The following IFT140 variants were observed in gnomAD, a reference collection of about 807,000 sequenced individuals.
The protein encoded by IFT140 is intraflagellar transport protein 140 homolog.
A neutral mutation model predicts 164.6 loss-of-function variants in IFT140; 133 were observed. That is an observed-to-expected ratio of 0.81 (90% CI 0.70 to 0.93). IFT140 has a LOEUF of 0.93. Among genes scored for constraint, IFT140 ranks in the 40% least tolerant of loss-of-function variants. The probability of loss-of-function intolerance (pLI) is 0.00; values close to 1 mark genes in which losing one functional copy is unlikely to be tolerated. For synonymous variants in IFT140, 860 were observed against 817.3 expected (o/e 1.05, Z -0.89); for missense variants, 2,045 against 1,972.3 (o/e 1.04, Z -0.70).
chr16:1,587,076 CTG>C (rs2034924327), intron 9 of IFT140, 120 bp downstream of exon 9: 2 of 704,078 alleles, frequency 2.8e-6, no homozygotes, highest in Non-Finnish European at 5.0e-6. Context: ...ATTTGAATGG[CTG>C]TGAGTTACCA....
In IFT140 at chr16:1,518,240, G is replaced by A. The variant is rs111494974; in HGVS notation, c.4158C>T (p.Tyr1386=). 7.2e-5 allele frequency: 116 copies of A among 1,613,790 alleles called. No homozygotes were observed. The highest frequency in any genetic ancestry group is 3.3e-4 in the Middle Eastern group (2 of 6,006). ...CCGTCTGGTATTCCTCCTTCCGCAC[G>A]TAGTGCTCCACCAGGAAGCCATAGA... The part of the protein sequence containing the change: ...GDVYGFLVEH[Y]VRKEEYQTAY... Residue 1386 remains tyrosine (Y), a synonymous_variant, in exon 30 of 31, where the codon TAC becomes TAT. Transcript: ENST00000426508.
chr16:1,523,933 G>T lies in IFT140; in HGVS notation c.3165C>A (p.Leu1055=), dbSNP rs1189584534. The change falls in exon 25 of 31, where the codon CTC becomes CTA. Residue 1055 remains leucine, a synonymous_variant. Transcript: ENST00000426508. ...GGGAGCTCAGCAGGGCCAAGTTCATGAGCTGGTCGTCCAGGCCGTTCTCCT... is the reference window on the plus strand; with the variant it reads ...GGGAGCTCAGCAGGGCCAAGTTCATTAGCTGGTCGTCCAGGCCGTTCTCCT... ...LCKENGLDDQ[L]MNLALLSSPE... The T allele has an allele frequency of 6.8e-6, 11 of 1,612,820 alleles. No homozygotes were observed. The highest frequency in any genetic ancestry group is 1.7e-5 in the Admixed American group (1 of 60,004).
chr16:1,523,766 C>T (rs1249154105), intron 25 of IFT140, 62 bp downstream of exon 25: 3 of 1,605,430 alleles, frequency 1.9e-6, no homozygotes, highest in Middle Eastern at 1.7e-4. Flanking sequence ...AGGCCTCGCA[C>T]AGGCAAGGGC....
At chr16:1,538,538 T>A (rs773884362) in intron 19 of IFT140, among the ~76,000 whole-genome samples, 2 of 151,990 alleles carry the variant, frequency 1.3e-5, no homozygotes, top group Non-Finnish European at 2.9e-5. Context: ...TTTCCTCCCC[T>A]CCAGGGCAGA....
chr16:1,606,223 A>G (rs770343759), intron 3 of IFT140, among the ~76,000 whole-genome samples: 3 of 152,220 alleles, frequency 2.0e-5, no homozygotes, highest in Non-Finnish European at 4.4e-5. Flanking sequence ...AATGGCCCCT[A>G]TGGAGCGTGC....
chr16:1,551,757 C>T lies in IFT140; in HGVS notation c.2399+6178G>A, dbSNP rs922572675. Among the ~76,000 whole-genome samples, 1 of 152,308 alleles carries T rather than the reference C, an allele frequency of 6.6e-6. No individual in the cohort carries two copies. The highest frequency in any genetic ancestry group is 3.4e-3 in the Middle Eastern group (1 of 294). On this transcript the variant is annotated intron_variant, in intron 19 of 30. Transcript: ENST00000426508. The surrounding 1 kb of genome is among the most constrained non-coding windows in gnomAD (Gnocchi z 4.0). ...GGAGCTACCTATACAAAGGAGGCCA[C>T]ACCACACGTGCGTGGTCCGGCAGAT...
intron 10 of IFT140, among the ~76,000 whole-genome samples, 183 bp downstream of exon 10, chr16:1,585,946 AT>A (rs1160039115): frequency 6.6e-6 from 1 of 151,124 alleles, no homozygotes; most frequent in Non-Finnish European, 1.5e-5. Flanking sequence ...AATTTTTTGT[AT>A]TTTTTAGTAG....
chr16:1,597,334 C>T (rs184072755), intron 4 of IFT140, among the ~76,000 whole-genome samples: 80 of 152,318 alleles, frequency 5.3e-4, no homozygotes, highest in Admixed American at 1.4e-3. Context: ...CTGATTGGTG[C>T]ACTGTGGGCA....
intron 26 of IFT140, among the ~76,000 whole-genome samples, chr16:1,521,560 G>C (rs1596299648): frequency 6.6e-6 from 1 of 151,394 alleles, no homozygotes; most frequent in East Asian, 2.0e-4. Context: ...GGCTAATTTT[G>C]TAATTTTTTT....
chr16:1,602,357 CGT>C lies in IFT140; in HGVS notation c.369+11_369+12del, dbSNP rs1567428187. 8 of 1,609,562 alleles carry C rather than the reference CGT, an allele frequency of 5.0e-6. No individual in the cohort carries two copies. Among genetic ancestry groups the C allele is most frequent in the African/African-American group, 1.3e-5 (1 of 74,980 alleles). On this transcript the variant is annotated intron_variant, in intron 4 of 30. Transcript: ENST00000426508. ...CAAGGTCTGAAAACAGCGTCTTGCGCGTGTTGACTCACCCTGTCCCCAGACAG... is the reference window on the plus strand; with the variant it reads ...CAAGGTCTGAAAACAGCGTCTTGCGCGTTGACTCACCCTGTCCCCAGACAG...
chr16:1,534,556 G>A (rs201752158), intron 19 of IFT140: 1 of 1,602,236 alleles, frequency 6.2e-7, no homozygotes, highest in Middle Eastern at 1.7e-4. Flanking sequence ...ACCGTCAAAC[G>A]TAAGTCCAAT....
chr16:1,585,025 G>C (rs943022626), intron 10 of IFT140, among the ~76,000 whole-genome samples: 2 of 152,222 alleles, frequency 1.3e-5, no homozygotes, highest in Admixed American at 1.3e-4. Context: ...GCCTGGTGAA[G>C]TGAAGGAAGC....
chr16:1,518,866 C>T (rs1051461166), intron 29 of IFT140, among the ~76,000 whole-genome samples: 1 of 152,068 alleles, frequency 6.6e-6, no homozygotes, highest in Non-Finnish European at 1.5e-5. Context: ...TGCTGGAACA[C>T]AACATGGTCC....
intron 26 of IFT140, 74 bp from the exon 27 acceptor site, chr16:1,520,882 C>T: frequency 2.8e-6 from 4 of 1,407,948 alleles, no homozygotes; most frequent in East Asian, 2.4e-5. Context: ...TCTGCCACCG[C>T]TTCAGAGGAA....
chr16:1,528,539 GCACGCACATGCACACA>G (rs1290467358), intron 19 of IFT140: 6 of 153,248 alleles, frequency 3.9e-5, no homozygotes, highest in African/African-American at 1.5e-4. Flanking sequence ...ACAAGCACAT[GCACGCACATGCACACA>G]CACGCACACA....
chr16:1,521,612 A>G (rs1340455330), intron 26 of IFT140, among the ~76,000 whole-genome samples: 1 of 149,536 alleles, frequency 6.7e-6, no homozygotes, highest in Non-Finnish European at 1.5e-5. Context: ...GGCTGGGCTC[A>G]AACTCCTGAC....
In IFT140 at chr16:1,580,791, C is replaced by A; in HGVS notation, c.1492G>T (p.Glu498Ter). 6.2e-7 allele frequency: 1 copy of A among 1,613,924 alleles called. No individual in the cohort carries two copies. Among genetic ancestry groups the A allele is most frequent in the East Asian group, 2.2e-5 (1 of 44,874 alleles). The change falls in exon 13 of 31, where the codon GAG becomes TAG. Residue 498 changes from glutamate (E) to a stop codon, truncating the protein, a stop_gained. Coordinates refer to ENST00000426508, the MANE Select transcript of IFT140 (RefSeq NM_014714.4). LOFTEE classifies it high-confidence loss of function. Reference sequence around the variant, plus strand: ...GTTCGAACTTGAACTCGGTTTGACTCCACCGTGTAAACGTTTTCTTCATGC... The same window carrying A: ...GTTCGAACTTGAACTCGGTTTGACTACACCGTGTAAACGTTTTCTTCATGC... ...AMHEENVYTVESNRVQVRTWQ... is the reference protein window; with the variant it reads ...AMHEENVYTV
intron 16 of IFT140, among the ~76,000 whole-genome samples, chr16:1,565,314 T>C (rs1294287034): frequency 6.6e-6 from 1 of 151,756 alleles, no homozygotes; most frequent in Non-Finnish European, 1.5e-5. Flanking sequence ...GGTGGGAGAA[T>C]GGGGCCTGCA....
At chr16:1,572,077 G>A (rs960336643) in intron 13 of IFT140, among the ~76,000 whole-genome samples, 3 of 152,012 alleles carry the variant, frequency 2.0e-5, no homozygotes, top group South Asian at 4.1e-4. Context: ...TCCCACCCGC[G>A]AAAAGCCCCT....
Sources: gnomAD v4.1 joint callset for allele counts (sites outside exome capture counted in the v4.1 genomes callset) on GRCh38, gnomAD v4.1.1 for gene constraint, Gnocchi (gnomAD v3.1) non-coding constraint, MANE v1.5 for transcripts, NCBI Gene and HGNC (gene_info 2026-07-23, HGNC 2026-07-21) for gene names.